NIT2: variants seen among roughly 807,000 people sequenced by gnomAD.
The protein encoded by NIT2 is nitrilase family member 2.
A neutral mutation model predicts 42.7 loss-of-function variants in NIT2; 46 were observed. That is an observed-to-expected ratio of 1.08 (90% CI 0.85 to 1.38). The LOEUF (loss-of-function observed/expected upper bound fraction) is 1.38. Ranked by LOEUF, NIT2 falls within the 40% of genes most tolerant of loss-of-function variation. NIT2 has a pLI of 0.00. For synonymous variants in NIT2, 123 were observed against 121.9 expected, an observed-to-expected ratio of 1.01 and a Z score of -0.06; for missense variants, 309 against 342.5, an observed-to-expected ratio of 0.90 and a Z score of 0.77.
chr3:100,345,503 A>G, intron 4 of NIT2, 82 bp from the exon 5 acceptor site: 1 of 935,160 alleles, frequency 1.1e-6, no homozygotes, highest in Non-Finnish European at 1.7e-6. Context: ...CACCTTCCGT[A>G]TCTGCCCGGG....
rs754043080 is a variant in NIT2, at chr3:100,355,155, T to G, written c.740-22T>G. On this transcript the variant is annotated intron_variant, in intron 9 of 9. Coordinates refer to ENST00000394140, the MANE Select transcript of NIT2 (RefSeq NM_020202.5). ...GTGAGGAGTTGCAAATTATTAATAG[T>G]GCACTTTCCTGTTTTTTGCAGACCT... is the stretch of plus-strand genomic sequence containing the variant. The G allele has an allele frequency of 2.5e-6, 4 of 1,589,670 alleles. No homozygotes were observed. In the Admixed American group the frequency reaches 6.7e-5, roughly 27 times the overall value.
chr3:100,354,741 A>C, intron 8 of NIT2, 31 bp from the exon 9 acceptor site: 1 of 1,575,668 alleles, frequency 6.3e-7, no homozygotes, highest in Non-Finnish European at 8.7e-7. Context: ...ACATCAGTGA[A>C]TCCACTCATT....
chr3:100,337,290 C>T (rs1159743986), intron 1 of NIT2, among the ~76,000 whole-genome samples: 2 of 152,178 alleles, frequency 1.3e-5, no homozygotes, highest in Non-Finnish European at 2.9e-5. Flanking sequence ...CTTTTCCCTA[C>T]ACTAATAATT....
chr3:100,339,030 G>T, intron 1 of NIT2, 57 bp from the exon 2 acceptor site: 5 of 1,215,320 alleles, frequency 4.1e-6, no homozygotes, highest in Non-Finnish European at 6.1e-6. Flanking sequence ...CTATGGCTCT[G>T]TCTGAATCCA....
At chr3:100,353,482 A>G (rs1706294194) in intron 8 of NIT2, among the ~76,000 whole-genome samples, 20 of 152,202 alleles carry the variant, frequency 1.3e-4, no homozygotes. Context: ...GCTTGGGGAC[A>G]TTGAAGGACT....
chr3:100,342,581 G>A (rs1706168562), intron 4 of NIT2, among the ~76,000 whole-genome samples: 1 of 150,414 alleles, frequency 6.6e-6, no homozygotes, highest in African/African-American at 2.4e-5. Context: ...CTTTTCACAG[G>A]CTACTTAAGA....
At chr3:100,349,039 G>A in intron 7 of NIT2, 158 bp downstream of exon 7, 1 of 591,758 alleles carries the variant, frequency 1.7e-6, no homozygotes, top group East Asian at 2.9e-5. Flanking sequence ...GCTATAAGGA[G>A]GACTTCTACT....
intron 8 of NIT2, 29 bp from the exon 9 acceptor site, chr3:100,354,743 C>T (rs1215019085): frequency 6.4e-7 from 1 of 1,573,666 alleles, no homozygotes; most frequent in African/African-American, 1.4e-5. Context: ...ATCAGTGAAT[C>T]CACTCATTCT....
rs570244742 is a variant in NIT2, at chr3:100,337,656, G to A, written c.8-1431G>A. The stretch of plus-strand genomic sequence containing the variant: ...TTTAGTAGAGACGGGGTTTCACCAC[G>A]TTGGCCAGGCTGGTCTGAAACTCCT... On this transcript the variant is annotated intron_variant, in intron 1 of 9. Coordinates refer to ENST00000394140, the MANE Select transcript of NIT2 (RefSeq NM_020202.5). Among the ~76,000 whole-genome samples the A allele has an allele frequency of 1.3e-3, 202 of 152,216 alleles. 1 individual carries two copies. The highest frequency in any genetic ancestry group is 4.4e-3 in the African/African-American group (181 of 41,542).
intron 6 of NIT2, among the ~76,000 whole-genome samples, chr3:100,347,279 A>G (rs1559824735): frequency 6.6e-6 from 1 of 152,034 alleles, no homozygotes; most frequent in Non-Finnish European, 1.5e-5. Context: ...TATTTTTAGT[A>G]GTTATGGGGT....
intron 7 of NIT2, 21 bp from the exon 8 acceptor site, chr3:100,352,382 CT>C (rs1416560914): frequency 6.3e-7 from 1 of 1,576,676 alleles, no homozygotes; most frequent in African/African-American, 1.3e-5. Context: ...CGATTTACCT[CT>C]TTCCTGTCTA....
rs927270552 is a variant in NIT2, at chr3:100,345,459, T to A, written c.337-126T>A. 6.1e-6 allele frequency: 4 copies of A among 659,012 alleles called. No individual in the cohort carries two copies. The African/African-American group carries it at 7.2e-5, about 12-fold the overall frequency. The allele number at this position is 659,012 out of a possible 1,614,324, so 40.8% of individuals were successfully genotyped here. On this transcript the variant is annotated intron_variant, in intron 4 of 9. Coordinates refer to ENST00000394140, the MANE Select transcript of NIT2 (RefSeq NM_020202.5). ...AGCTTGTGGGGTGGATTATAAGCAG[T>A]TTGGGGGTGCTGTTTGTATAGTTAA...
At chr3:100,344,959 CTTTTTTTTTTT>C (rs1396330594) in intron 4 of NIT2, among the ~76,000 whole-genome samples, 1 of 136,674 alleles carries the variant, frequency 7.3e-6, no homozygotes, top group African/African-American at 2.8e-5. Context: ...TTTTTTTTTT[CTTTTTTTTTTT>C]GAGAGAGAGA....
rs3214702 is a variant in NIT2, at chr3:100,355,351, AT to A, written c.*93del. On this transcript the variant is annotated 3_prime_UTR_variant, in exon 10 of 10. Coordinates refer to ENST00000394140, the MANE Select transcript of NIT2 (RefSeq NM_020202.5). ...CTCCCTATTAAATTCTTTAATGAAG[AT>A]TTTTTTTTTAATTCGGCCTTGTCCT... 3,562 of 1,026,680 alleles carry A rather than the reference AT, an allele frequency of 3.5e-3. No individual in the cohort carries two copies. Among genetic ancestry groups the A allele is most frequent in the South Asian group, 4.4e-3 (281 of 63,614 alleles). 63.6% of individuals were successfully genotyped at this position (1,026,680 alleles called of 1,614,324 possible). A position where few individuals can be genotyped will look rare whatever the true frequency, so the allele number is the denominator to read the frequency against.
At position 100,339,142 on chromosome 3, in the gene NIT2, C is replaced by T. The variant is rs779476136; in HGVS notation, c.63C>T (p.Val21=). The change falls in exon 2 of 10, where the codon GTC becomes GTT. Residue 21 remains valine, a synonymous_variant. Coordinates refer to ENST00000394140, the MANE Select transcript of NIT2 (RefSeq NM_020202.5). ...LQISSIKSDN[V]TRACSFIREA... ...TTTCTTCCATCAAATCAGATAACGT[C>T]ACTCGCGCTTGTAGCTTCATCCGGG... The T allele has an allele frequency of 1.2e-5, 19 of 1,613,962 alleles. No homozygotes were observed. In the African/African-American group the frequency reaches 2.0e-4, roughly 17 times the overall value.
Position 100,339,914 on chromosome 3 carries a change from T to C in NIT2, c.226T>C (p.Cys76Arg). 1.9e-6 allele frequency: 3 copies of C among 1,613,844 alleles called. No individual in the cohort carries two copies. The highest frequency in any genetic ancestry group is 2.5e-6 in the Non-Finnish European group (3 of 1,179,854). ...GAAGCTTTCTGAAGTAGCAAAGGAA[T>C]GCAGCATATATCTCATTGGAGGTAA... Reference protein sequence around the residue: ...TQKLSEVAKECSIYLIGGSIP... With the variant: ...TQKLSEVAKERSIYLIGGSIP... Residue 76 changes from cysteine to arginine, a missense_variant, in exon 3 of 10, where the codon TGC becomes CGC. Cys to Arg is a radical substitution (Grantham distance 180, BLOSUM62 -3). Coordinates refer to ENST00000394140, the MANE Select transcript of NIT2 (RefSeq NM_020202.5).
Position 100,361,411 on chromosome 3 carries a change from T to C in NIT2, c.*6143T>C, listed in dbSNP as rs962662313. On this transcript the variant is annotated 3_prime_UTR_variant, in exon 10 of 10. Transcript: ENST00000394140. ...GCACCAACAAAAGAAATGGAGAAAT[T>C]TGAGCCATGTATCCTGAGCTCTGAA... The C allele has an allele frequency of 1.3e-5, 2 of 152,214 alleles. No individual in the cohort carries two copies. The highest frequency in any genetic ancestry group is 4.8e-5 in the African/African-American group (2 of 41,444). 9.4% of individuals were successfully genotyped at this position (152,214 alleles called of 1,614,324 possible). A position where few individuals can be genotyped will look rare whatever the true frequency, so the allele number is the denominator to read the frequency against.
At chr3:100,343,659 T>C (rs1485229119) in intron 4 of NIT2, among the ~76,000 whole-genome samples, 1 of 152,252 alleles carries the variant, frequency 6.6e-6, no homozygotes, top group Non-Finnish European at 1.5e-5. Context: ...TGCTTTAAAG[T>C]CTGATAATTA....
rs772376186 is a variant in NIT2 at position 100,348,844 on chromosome 3, A to G, written c.547A>G (p.Thr183Ala). The G allele has an allele frequency of 6.2e-7, 1 of 1,614,084 alleles. No individual in the cohort carries two copies. The highest frequency in any genetic ancestry group is 8.5e-7 in the Non-Finnish European group (1 of 1,179,948). Residue 183 changes from threonine (T) to alanine (A), a missense_variant, in exon 7 of 10, where the codon ACT becomes GCT. By Grantham distance (58) the Thr-to-Ala change is moderately conservative (BLOSUM62 0). Transcript: ENST00000394140. Reference sequence around the variant, plus strand: ...ATATCCAGGAGCTTTTAATCTGACCACTGGACCAGCCCATTGGGAGTTACT... The same window carrying G: ...ATATCCAGGAGCTTTTAATCTGACCGCTGGACCAGCCCATTGGGAGTTACT... The part of the protein sequence containing the change: ...LVYPGAFNLT[T>A]GPAHWELLQR...
Sources: gnomAD v4.1 joint callset for allele counts (sites outside exome capture counted in the v4.1 genomes callset) on GRCh38, gnomAD v4.1.1 for gene constraint, MANE v1.5 for transcripts, NCBI Gene and HGNC (gene_info 2026-07-23, HGNC 2026-07-21) for gene names.